The following MYO3B variants were observed in gnomAD, a reference collection of about 807,000 sequenced individuals.
The protein encoded by MYO3B is myosin-IIIb.
A neutral mutation model predicts 174.6 loss-of-function variants in MYO3B; 156 were observed. The ratio of observed to expected loss-of-function variants is 0.89; its 90% CI spans 0.78 to 1.02. The LOEUF (loss-of-function observed/expected upper bound fraction) is 1.02. MYO3B is among the 50% of genes least tolerant of loss of function. The pLI is 0.00. For missense variants in MYO3B, 1,632 were observed against 1,639.4 expected, an observed-to-expected ratio of 1.00 and a Z score of 0.08; for synonymous variants, 563 against 569.1, an observed-to-expected ratio of 0.99 and a Z score of 0.15.
intron 6 of MYO3B, among the ~76,000 whole-genome samples, chr2:170,219,310 C>T (rs1476351366): frequency 6.6e-6 from 1 of 152,172 alleles, no homozygotes; most frequent in Admixed American, 6.5e-5. Context: ...GATGCCTAAG[C>T]TCTTAATATA....
At chr2:170,308,727 C>T (rs557570945) in intron 7 of MYO3B, among the ~76,000 whole-genome samples, 1 of 152,262 alleles carries the variant, frequency 6.6e-6, no homozygotes, top group East Asian at 1.9e-4. Flanking sequence ...CTCATTCCTT[C>T]TCACATTCCT....
intron 32 of MYO3B, among the ~76,000 whole-genome samples, chr2:170,592,098 C>T (rs1270068209): frequency 6.6e-6 from 1 of 152,128 alleles, no homozygotes; most frequent in Non-Finnish European, 1.5e-5. Context: ...ATCATTTGCC[C>T]AAAATCCCAT....
At chr2:170,194,507 GAA>G (rs769742217) in intron 1 of MYO3B, among the ~76,000 whole-genome samples, 1 of 136,238 alleles carries the variant, frequency 7.3e-6, no homozygotes, top group Admixed American at 7.3e-5. Flanking sequence ...CCTGTCTCAA[GAA>G]AAAAAAAAAA....
At chr2:170,448,317 C>T (rs1243643061) in intron 23 of MYO3B, among the ~76,000 whole-genome samples, 1 of 152,210 alleles carries the variant, frequency 6.6e-6, no homozygotes, top group Non-Finnish European at 1.5e-5. Context: ...ATCTCTTTCA[C>T]TGTAATAATT....
chr2:170,540,031 A>T (rs527977232), intron 30 of MYO3B, among the ~76,000 whole-genome samples: 3 of 152,138 alleles, frequency 2.0e-5, no homozygotes, highest in Non-Finnish European at 2.9e-5. Context: ...GAAGCAAATC[A>T]CTGGCTTCTT....
chr2:170,356,122 G>A (rs989491508), intron 8 of MYO3B, among the ~76,000 whole-genome samples: 9 of 151,540 alleles, frequency 5.9e-5, no homozygotes, highest in African/African-American at 2.2e-4. Flanking sequence ...CACCATGCCC[G>A]GCTGACTTTT....
At chr2:170,619,118 A>G (rs925834893) in intron 32 of MYO3B, among the ~76,000 whole-genome samples, 39 of 152,190 alleles carry the variant, frequency 2.6e-4, no homozygotes, top group Non-Finnish European at 4.6e-4. Context: ...CTGTGGCAAG[A>G]TGAGGGCGTT....
At chr2:170,620,855 T>G (rs931080328) in intron 32 of MYO3B, among the ~76,000 whole-genome samples, 4 of 152,208 alleles carry the variant, frequency 2.6e-5, no homozygotes, top group Non-Finnish European at 1.5e-5. Flanking sequence ...GAGAAAGACA[T>G]GATCTCTAGC....
intron 23 of MYO3B, among the ~76,000 whole-genome samples, chr2:170,444,664 C>CACGTT (rs1386310976): frequency 1.3e-5 from 2 of 152,150 alleles, no homozygotes; most frequent in African/African-American, 4.8e-5. Flanking sequence ...AATTTGGCCA[C>CACGTT]ACGTTAATAC....
chr2:170,397,755 A>C (rs547068795), intron 16 of MYO3B, among the ~76,000 whole-genome samples: 1 of 152,282 alleles, frequency 6.6e-6, no homozygotes, highest in African/African-American at 2.4e-5. Flanking sequence ...CTAAGGGCTC[A>C]GTCCCACAAG....
intron 25 of MYO3B, among the ~76,000 whole-genome samples, chr2:170,480,966 T>C (rs1685655287): frequency 6.6e-6 from 1 of 152,228 alleles, no homozygotes; most frequent in Non-Finnish European, 1.5e-5. Flanking sequence ...AGTTCACCTA[T>C]GAGGACATGG....
chr2:170,517,748 T>C (rs927519385), intron 29 of MYO3B, among the ~76,000 whole-genome samples: 1 of 152,178 alleles, frequency 6.6e-6, no homozygotes, highest in African/African-American at 2.4e-5. Context: ...ATGTCAGTTC[T>C]TGCTTTTATG....
At chr2:170,183,029 G>A (rs2092422007) in intron 1 of MYO3B, among the ~76,000 whole-genome samples, 2 of 152,092 alleles carry the variant, frequency 1.3e-5, no homozygotes, top group Non-Finnish European at 2.9e-5. Flanking sequence ...GCCAAGGCGG[G>A]TGGATTGCCT....
chr2:170,599,781 T>C (rs1367873481), intron 32 of MYO3B, among the ~76,000 whole-genome samples: 10 of 152,160 alleles, frequency 6.6e-5, no homozygotes, highest in Admixed American at 6.6e-4. Flanking sequence ...TTTTGATGTG[T>C]TCAGCTCAAT....
chr2:170,318,238 T>G (rs1259330027), intron 7 of MYO3B, among the ~76,000 whole-genome samples: 1 of 152,208 alleles, frequency 6.6e-6, no homozygotes, highest in Admixed American at 6.5e-5. Context: ...ATATTCATCT[T>G]TGCTTAGACT....
At chr2:170,212,802 TG>T (rs2092786599) in intron 3 of MYO3B, among the ~76,000 whole-genome samples, 1 of 152,206 alleles carries the variant, frequency 6.6e-6, no homozygotes, top group South Asian at 2.1e-4. Flanking sequence ...TGCTCGTGTC[TG>T]GCTCCAGTCT....
chr2:170,627,422 C>T (rs1305000259), intron 32 of MYO3B, among the ~76,000 whole-genome samples: 1 of 152,124 alleles, frequency 6.6e-6, no homozygotes, highest in African/African-American at 2.4e-5. Flanking sequence ...AAGGACTTCT[C>T]TGCATTGGTT....
At chr2:170,642,542 G>T (rs1439721448) in intron 32 of MYO3B, among the ~76,000 whole-genome samples, 1 of 152,156 alleles carries the variant, frequency 6.6e-6, no homozygotes, top group African/African-American at 2.4e-5. Flanking sequence ...AAAGCCCACT[G>T]AATTCCTTAG....
intron 25 of MYO3B, among the ~76,000 whole-genome samples, chr2:170,482,077 CTTG>C (rs1279034925): frequency 6.6e-6 from 1 of 151,816 alleles, no homozygotes; most frequent in Non-Finnish European, 1.5e-5. Context: ...ACATCTTTCC[CTTG>C]TTGTTGTAGT....
Sources: gnomAD v4.1 joint callset for allele counts (sites outside exome capture counted in the v4.1 genomes callset) on GRCh38, gnomAD v4.1.1 for gene constraint, MANE v1.5 for transcripts, NCBI Gene and HGNC (gene_info 2026-07-23, HGNC 2026-07-21) for gene names.